ICMT: variants seen among roughly 807,000 people sequenced by gnomAD.
ICMT encodes the protein isoprenylcysteine carboxyl methyltransferase.
A neutral mutation model predicts 32.2 loss-of-function variants in ICMT; 10 were observed. That is an observed-to-expected ratio of 0.31 (90% CI 0.19 to 0.53). The LOEUF is 0.53. ICMT is among the 20% of genes least tolerant of loss of function. ICMT has a pLI of 0.96. For missense variants in ICMT, 265 were observed against 356.9 expected (o/e 0.74, Z 2.07); for synonymous variants, 183 against 158.2 (o/e 1.16, Z -1.18).
In ICMT at chr1:6,224,976, CAT is replaced by C; in HGVS notation, c.*102_*103del. The C allele has an allele frequency of 9.6e-7, 1 of 1,044,968 alleles. No homozygotes were observed. Among genetic ancestry groups the C allele is most frequent in the Non-Finnish European group, 1.4e-6 (1 of 708,018 alleles). 64.7% of individuals were successfully genotyped at this position (1,044,968 alleles called of 1,614,324 possible). On this transcript the variant is annotated 3_prime_UTR_variant, in exon 5 of 5. Coordinates refer to ENST00000343813, the MANE Select transcript of ICMT (RefSeq NM_012405.4). ...GACATTCCAGAAGAGTGACTAATGA[CAT>C]AAAACGATTAAGAAAATCCATGTGG...
chr1:6,235,661 G>A lies in ICMT; in HGVS notation c.195+56C>T, dbSNP rs1439036296. ...GGGGAGAAAGGTGCCCACGCGCCGC[G>A]CCAAGCGGACCGCCGCCCGCCCCGC... is the stretch of plus-strand genomic sequence containing the variant. On this transcript the variant is annotated intron_variant, in intron 1 of 4. Coordinates refer to ENST00000343813, the MANE Select transcript of ICMT (RefSeq NM_012405.4). 4.1e-5 allele frequency: 45 copies of A among 1,096,948 alleles called. 1 individual carries two copies. The highest frequency in any genetic ancestry group is 4.2e-5 in the South Asian group (1 of 23,740). 68.0% of individuals were successfully genotyped at this position (1,096,948 alleles called of 1,614,324 possible).
Position 6,225,043 on chromosome 1 carries a change from G to T in ICMT, c.*37C>A. On this transcript the variant is annotated 3_prime_UTR_variant, in exon 5 of 5. Transcript: ENST00000343813. The stretch of plus-strand genomic sequence containing the variant: ...AAACAGTTTTGTCCCAGGCTGCACA[G>T]GGTCGGAGGCCCCAAGGTCACCGGG... 1.9e-6 allele frequency: 3 copies of T among 1,575,150 alleles called. No individual in the cohort carries two copies. The highest frequency in any genetic ancestry group is 1.8e-5 in the Admixed American group (1 of 55,882).
chr1:6,235,723 G>A lies in ICMT; in HGVS notation c.189C>T (p.Arg63=). ...GGCCCCCGCCGGCCTGCACCTGGTAGCGAGGCGGCCGATAGAGCAGCAGCA... is the reference window on the plus strand; with the variant it reads ...GGCCCCCGCCGGCCTGCACCTGGTAACGAGGCGGCCGATAGAGCAGCAGCA... The part of the protein sequence containing the change: ...ALLLLLYRPP[R]YQIAIRACFL... Residue 63 remains arginine (R), a synonymous_variant, in exon 1 of 5, where the codon CGC becomes CGT. Coordinates refer to ENST00000343813, the MANE Select transcript of ICMT (RefSeq NM_012405.4). 1 of 1,285,420 alleles carries A rather than the reference G, an allele frequency of 7.8e-7. No homozygotes were observed. The highest frequency in any genetic ancestry group is 3.1e-5 in the Admixed American group (1 of 32,498). The allele number at this position is 1,285,420 out of a possible 1,614,324, so 79.6% of individuals were successfully genotyped here.
At chr1:6,235,078 C>T in intron 1 of ICMT, 104 bp from the exon 2 acceptor site, 2 of 863,460 alleles carry the variant, frequency 2.3e-6, no homozygotes, top group Non-Finnish European at 1.9e-6. Flanking sequence ...GCAGATAGAG[C>T]CGATTTGCTG....
At chr1:6,232,448 A>G (rs1668752376) in intron 3 of ICMT, among the ~76,000 whole-genome samples, 1 of 152,210 alleles carries the variant, frequency 6.6e-6, no homozygotes, top group Non-Finnish European at 1.5e-5. Flanking sequence ...AGCTAAGAGA[A>G]GCAAAAAAGG....
intron 2 of ICMT, among the ~76,000 whole-genome samples, chr1:6,233,999 C>T (rs1668776368): frequency 6.6e-6 from 1 of 152,128 alleles, no homozygotes; most frequent in South Asian, 2.1e-4. Context: ...CAGGTGCCCA[C>T]CACCACGCCC....
At position 6,235,864 on chromosome 1, in the gene ICMT, G is replaced by T; in HGVS notation, c.48C>A (p.Leu16=). The change falls in exon 1 of 5, where the codon CTC becomes CTA. Residue 16 remains leucine (L), a synonymous_variant. Transcript: ENST00000343813. ...ARAPPGSEAR[L]SLATFLLGAS... The stretch of plus-strand genomic sequence containing the variant: ...CGCCCAGCAGGAAGGTGGCGAGGCT[G>T]AGACGCGCCTCAGAGCCCGGCGGAG... The T allele has an allele frequency of 6.6e-6, 8 of 1,215,244 alleles. No individual in the cohort carries two copies. Among genetic ancestry groups the T allele is most frequent in the Non-Finnish European group, 8.2e-6 (8 of 972,638 alleles). The allele number at this position is 1,215,244 out of a possible 1,614,324, so 75.3% of individuals were successfully genotyped here. A position where few individuals can be genotyped will look rare whatever the true frequency, so the allele number is the denominator to read the frequency against.
At position 6,235,011 on chromosome 1, in the gene ICMT, T is replaced by C. The variant is rs776047014; in HGVS notation, c.196-37A>G. 1.9e-6 allele frequency: 3 copies of C among 1,540,462 alleles called. No individual in the cohort carries two copies. The African/African-American group carries it at 4.1e-5, about 21-fold the overall frequency. On this transcript the variant is annotated intron_variant, in intron 1 of 4. Transcript: ENST00000343813. ...CCAAGAGAAGCTCAGTCATTCACAG[T>C]CCTCAGAGTACAGATCTGGGCTGCT...
chr1:6,229,783 TACACAC>T (rs34741419), intron 4 of ICMT, among the ~76,000 whole-genome samples: 11,669 of 146,584 alleles, frequency 0.08, 691 homozygotes, highest in African/African-American at 0.17. Flanking sequence ...ATAAAAAAAA[TACACAC>T]ACACACACAC....
chr1:6,225,882 C>T (rs181556055), intron 4 of ICMT, among the ~76,000 whole-genome samples: 1 of 152,038 alleles, frequency 6.6e-6, no homozygotes, highest in East Asian at 1.9e-4. Context: ...TCCCCCGAGA[C>T]AGATTGTCAC....
In ICMT at chr1:6,235,752, G is replaced by A; in HGVS notation, c.160C>T (p.Leu54=). The change falls in exon 1 of 5, where the codon CTG becomes TTG. Residue 54 remains leucine (L), a synonymous_variant. Transcript: ENST00000343813. The part of the protein sequence containing the change: ...LALYVAGLNA[L]LLLLYRPPRY... ...GGCGGCCGATAGAGCAGCAGCAGCA[G>A]CGCGTTGAGCCCGGCCACGTAGAGC... is the stretch of plus-strand genomic sequence containing the variant. 2 of 1,336,690 alleles carry A rather than the reference G, an allele frequency of 1.5e-6. No individual in the cohort carries two copies. The highest frequency in any genetic ancestry group is 1.6e-5 in the South Asian group (1 of 64,448). The allele number at this position is 1,336,690 out of a possible 1,614,324, so 82.8% of individuals were successfully genotyped here. A position where few individuals can be genotyped will look rare whatever the true frequency, so the allele number is the denominator to read the frequency against.
chr1:6,232,012 C>T lies in ICMT; in HGVS notation c.562G>A (p.Val188Met), dbSNP rs1287156106. 6.2e-7 allele frequency: 1 copy of T among 1,614,170 alleles called. No homozygotes were observed. The highest frequency in any genetic ancestry group is 8.5e-7 in the Non-Finnish European group (1 of 1,180,022). Residue 188 changes from valine to methionine, a missense_variant, in exon 4 of 5, where the codon GTG becomes ATG. Physicochemically the swap from Val to Met is conservative, Grantham distance 21. Transcript: ENST00000343813. The part of the protein sequence containing the change: ...MFTAGSNFNH[V>M]VQNEKSDTHT... ...GTATCTGATTTTTCATTCTGTACCA[C>T]GTGGTTGAAATTGGAGCCAGCTGTA...
chr1:6,233,787 G>A, intron 2 of ICMT, 144 bp from the exon 3 acceptor site: 1 of 619,556 alleles, frequency 1.6e-6, no homozygotes, highest in Non-Finnish European at 2.7e-6. Context: ...CCCATCTGCA[G>A]CATCTACTAC....
chr1:6,230,341 C>G (rs902711588), intron 4 of ICMT, among the ~76,000 whole-genome samples: 42 of 152,154 alleles, frequency 2.8e-4, no homozygotes, highest in African/African-American at 9.9e-4. Flanking sequence ...TCTCAAACTC[C>G]TGATGTCAAG....
intron 4 of ICMT, among the ~76,000 whole-genome samples, chr1:6,231,170 CAA>C (rs779403125): frequency 1.5e-5 from 2 of 132,636 alleles, no homozygotes; most frequent in Non-Finnish European, 1.6e-5. Flanking sequence ...GACTAGGTCT[CAA>C]AAAAAAAAAA....
At chr1:6,228,406 G>A (rs1480895133) in intron 4 of ICMT, among the ~76,000 whole-genome samples, 5 of 150,242 alleles carry the variant, frequency 3.3e-5, no homozygotes, top group Non-Finnish European at 7.4e-5. Context: ...ACGGTGGCGC[G>A]ATCTCGGCTC....
rs1214805304 is a variant in ICMT, at chr1:6,224,797, T to C, written c.*283A>G. 1 of 361,040 alleles carries C rather than the reference T, an allele frequency of 2.8e-6. No individual in the cohort carries two copies. Among genetic ancestry groups the C allele is most frequent in the Non-Finnish European group, 5.0e-6 (1 of 201,188 alleles). 22.4% of individuals were successfully genotyped at this position (361,040 alleles called of 1,614,324 possible). A position where few individuals can be genotyped will look rare whatever the true frequency, so the allele number is the denominator to read the frequency against. On this transcript the variant is annotated 3_prime_UTR_variant, in exon 5 of 5. Coordinates refer to ENST00000343813, the MANE Select transcript of ICMT (RefSeq NM_012405.4). ...CGGGGGCAGTGGCGTGTGGCCTCGG[T>C]CCTCCCCAGGTAACTCTGGAGGGCG...
At position 6,235,808 on chromosome 1, in the gene ICMT, C is replaced by T; in HGVS notation, c.104G>A (p.Arg35His). 1.5e-6 allele frequency: 2 copies of T among 1,321,900 alleles called. No homozygotes were observed. The highest frequency in any genetic ancestry group is 1.9e-6 in the Non-Finnish European group (2 of 1,026,446). The allele number at this position is 1,321,900 out of a possible 1,614,324, so 81.9% of individuals were successfully genotyped here. ...CCCGGTGCGGCCCTGCAGGCCGGCG[C>T]GCGTGAGCAGCGGCAGCGCGAGCAC... ...ASVLALPLLT[R>H]AGLQGRTGLA... The change falls in exon 1 of 5, where the codon CGC (arginine) becomes CAC (histidine). Residue 35 changes from arginine to histidine, a missense_variant. Around this residue, in one of 2 missense-constraint regions of ICMT, gnomAD observed 99 missense variants for 92.6 expected, o/e 1.07. Coordinates refer to ENST00000343813, the MANE Select transcript of ICMT (RefSeq NM_012405.4).
At chr1:6,233,379 G>GA in intron 3 of ICMT, 95 bp downstream of exon 3, 1 of 1,143,562 alleles carries the variant, frequency 8.7e-7, no homozygotes, top group Non-Finnish European at 1.3e-6. Flanking sequence ...TCGCTTGGGG[G>GA]AGATTAGACC....
Sources: allele counts gnomAD v4.1 joint callset (sites outside exome capture counted in the v4.1 genomes callset), GRCh38; gene constraint gnomAD v4.1.1; regional missense constraint gnomAD v4.1.1; transcripts MANE v1.5; gene names NCBI Gene and HGNC (gene_info 2026-07-23, HGNC 2026-07-21).